Variants in GRIN3A observed in about 807,000 individuals in gnomAD.
The protein encoded by GRIN3A is glutamate ionotropic receptor NMDA type subunit 3A.
In GRIN3A, 47 loss-of-function variants were observed where a neutral mutation model predicts 92.4. That is an observed-to-expected ratio of 0.51 (90% confidence interval 0.40 to 0.65). GRIN3A has a LOEUF of 0.65. Ranked by LOEUF, GRIN3A falls within the 30% of genes least tolerant of loss-of-function variation. The probability of loss-of-function intolerance (pLI) is 0.00; values close to 1 mark genes in which losing one functional copy is unlikely to be tolerated. For missense variants in GRIN3A, 1,324 were observed against 1,393.1 expected (o/e 0.95, Z 0.79); for synonymous variants, 527 against 540.6 (o/e 0.97, Z 0.35).
chr9:101,625,316 T>C (rs1381652043), intron 4 of GRIN3A, among the ~76,000 whole-genome samples: 1 of 152,140 alleles, frequency 6.6e-6, no homozygotes, highest in Non-Finnish European at 1.5e-5. Context: ...TTAGATCCAG[T>C]GGTGAGGCTG....
chr9:101,614,774 C>T (rs1828419594), intron 5 of GRIN3A, among the ~76,000 whole-genome samples: 1 of 151,376 alleles, frequency 6.6e-6, no homozygotes, highest in African/African-American at 2.4e-5. Context: ...CACACACCAC[C>T]ACCCTGGCTA....
chr9:101,674,366 C>T (rs1373584930), intron 2 of GRIN3A, among the ~76,000 whole-genome samples: 1 of 152,036 alleles, frequency 6.6e-6, no homozygotes, highest in African/African-American at 2.4e-5. Flanking sequence ...TCTTTTGCTT[C>T]CTCTTTTACT....
At chr9:101,669,323 T>C (rs1050531096) in intron 3 of GRIN3A, among the ~76,000 whole-genome samples, 6 of 152,106 alleles carry the variant, frequency 3.9e-5, no homozygotes, top group Non-Finnish European at 8.8e-5. Context: ...ACCTAAGTAT[T>C]ACCTGCTTTG....
intron 6 of GRIN3A, among the ~76,000 whole-genome samples, chr9:101,605,571 T>A (rs1828269643): frequency 6.6e-6 from 1 of 152,082 alleles, no homozygotes; most frequent in South Asian, 2.1e-4. Context: ...CATCTTTTAG[T>A]GGGTGAAGGT....
chr9:101,700,021 A>G (rs1323944469), intron 1 of GRIN3A, among the ~76,000 whole-genome samples: 1 of 152,074 alleles, frequency 6.6e-6, no homozygotes, highest in Non-Finnish European at 1.5e-5. Flanking sequence ...CTCAAGGTGT[A>G]TTACCTGTCT....
intron 2 of GRIN3A, among the ~76,000 whole-genome samples, chr9:101,680,586 T>G (rs901002754): frequency 6.6e-6 from 1 of 152,100 alleles, no homozygotes; most frequent in African/African-American, 2.4e-5. Flanking sequence ...GTATAATCAC[T>G]GGTATAAAGG....
chr9:101,643,612 C>T lies in GRIN3A; in HGVS notation c.2353-15211G>A, dbSNP rs910632559. ...AATATCTCTACTTTCATGTTTATTA[C>T]AGCACTATTCACAGTAGCTAAATCA... On this transcript the variant is annotated intron_variant, in intron 3 of 8. Coordinates refer to ENST00000361820, the MANE Select transcript of GRIN3A (RefSeq NM_133445.3). Among the ~76,000 whole-genome samples, 3 of 151,796 alleles carry T rather than the reference C, an allele frequency of 2.0e-5. 1 individual carries two copies. Among genetic ancestry groups the T allele is most frequent in the Admixed American group, 2.0e-4 (3 of 15,206 alleles).
At chr9:101,602,772 T>C (rs1054398451) in intron 6 of GRIN3A, among the ~76,000 whole-genome samples, 3 of 152,142 alleles carry the variant, frequency 2.0e-5, no homozygotes, top group African/African-American at 7.2e-5. Flanking sequence ...TTAGTTTTCC[T>C]TCTCTCAGAA....
intron 1 of GRIN3A, among the ~76,000 whole-genome samples, chr9:101,726,539 C>G (rs1407075323): frequency 6.6e-6 from 1 of 152,134 alleles, no homozygotes; most frequent in African/African-American, 2.4e-5. Flanking sequence ...GTGGGAGTTT[C>G]TCTTCCTTTG....
At chr9:101,711,300 T>G (rs192829424) in intron 1 of GRIN3A, among the ~76,000 whole-genome samples, 1 of 152,176 alleles carries the variant, frequency 6.6e-6, no homozygotes, top group Admixed American at 6.5e-5. Context: ...GGGTAGTGCA[T>G]ACAGCCCGGA....
intron 2 of GRIN3A, among the ~76,000 whole-genome samples, chr9:101,675,897 CT>C (rs1829388977): frequency 6.6e-6 from 1 of 151,766 alleles, no homozygotes; most frequent in Admixed American, 6.6e-5. Flanking sequence ...GCTATTTTTA[CT>C]TTTTGTAACT....
intron 2 of GRIN3A, among the ~76,000 whole-genome samples, chr9:101,680,307 G>T: frequency 6.6e-6 from 1 of 152,064 alleles, no homozygotes; most frequent in East Asian, 1.9e-4. Context: ...TTTATATGTT[G>T]GGTTTTTTGA....
intron 2 of GRIN3A, among the ~76,000 whole-genome samples, chr9:101,678,337 G>A (rs1017776875): frequency 1.3e-5 from 2 of 152,148 alleles, no homozygotes; most frequent in Admixed American, 6.5e-5. Flanking sequence ...ATAATGGAGA[G>A]TATAAAAAAT....
intron 6 of GRIN3A, among the ~76,000 whole-genome samples, chr9:101,596,936 C>A (rs980640281): frequency 2.3e-4 from 35 of 152,250 alleles, no homozygotes; most frequent in African/African-American, 7.9e-4. Context: ...TCAAGATGGC[C>A]ACAGCAGAAC....
intron 5 of GRIN3A, among the ~76,000 whole-genome samples, chr9:101,615,192 A>G (rs1193264879): frequency 7.9e-6 from 1 of 126,038 alleles, no homozygotes; most frequent in Non-Finnish European, 1.6e-5. Flanking sequence ...TGGACAGAAT[A>G]GTAAAAAAAA....
chr9:101,588,117 T>C (rs564100275), intron 6 of GRIN3A, among the ~76,000 whole-genome samples: 1 of 152,158 alleles, frequency 6.6e-6, no homozygotes, highest in Admixed American at 6.5e-5. Context: ...GAGAGTCTGG[T>C]TGAAGAGAGT....
At chr9:101,664,958 A>C (rs1040562527) in intron 3 of GRIN3A, among the ~76,000 whole-genome samples, 3 of 151,956 alleles carry the variant, frequency 2.0e-5, no homozygotes, top group African/African-American at 7.2e-5. Flanking sequence ...AGAGGATCAC[A>C]AATCTTACCT....
intron 4 of GRIN3A, among the ~76,000 whole-genome samples, chr9:101,624,559 A>G (rs901585093): frequency 6.6e-6 from 1 of 152,156 alleles, no homozygotes; most frequent in African/African-American, 2.4e-5. Flanking sequence ...TGAACTCATC[A>G]TTTTTTATGG....
intron 6 of GRIN3A, chr9:101,592,238 T>G (rs1380983097): frequency 6.6e-6 from 1 of 152,236 alleles, no homozygotes; most frequent in Non-Finnish European, 1.5e-5. Context: ...GGCTGTACAC[T>G]AATGTCCAGT....
Sources: allele counts gnomAD v4.1 joint callset (sites outside exome capture counted in the v4.1 genomes callset), GRCh38; gene constraint gnomAD v4.1.1; transcripts MANE v1.5; gene names NCBI Gene and HGNC (gene_info 2026-07-23, HGNC 2026-07-21).